The following RNLS variants were observed in gnomAD, a reference collection of about 807,000 sequenced individuals.
RNLS encodes renalase, FAD dependent amine oxidase.
RNLS carries 39 observed loss-of-function variants against 39.8 expected under a neutral mutation model. That is an observed-to-expected ratio of 0.98 (90% CI 0.76 to 1.28). The LOEUF (loss-of-function observed/expected upper bound fraction) is 1.28, where lower values mean the gene tolerates loss of function less well. Ranked by LOEUF, RNLS falls within the 50% of genes most tolerant of loss-of-function variation. The pLI is 0.00. For missense variants in RNLS, 410 were observed against 413.3 expected (o/e 0.99, Z 0.07); for synonymous variants, 147 against 150.7 (o/e 0.98, Z 0.18).
the RNLS span, among the ~76,000 whole-genome samples, chr10:88,220,264 C>T: frequency 2.9e-3 from 445 of 152,272 alleles, 9 homozygotes; most frequent in East Asian, 0.023. Context: ...TTGAAATCTG[C>T]TTTCCTTTGC....
In RNLS at chr10:88,285,254, C is replaced by T; in HGVS notation, c.*100G>A. 1 of 1,407,772 alleles carries T rather than the reference C, an allele frequency of 7.1e-7. No individual in the cohort carries two copies. Among genetic ancestry groups the T allele is most frequent in the Non-Finnish European group, 9.3e-7 (1 of 1,076,446 alleles). 87.2% of individuals were successfully genotyped at this position (1,407,772 alleles called of 1,614,324 possible). ...ATGATAATAAGTGAAGAACAATTTT[C>T]CAGTAATTTTTCTTAGCAAAATAGA... On this transcript the variant is annotated 3_prime_UTR_variant, in exon 7 of 7. Transcript: ENST00000331772.
intron 4 of RNLS, among the ~76,000 whole-genome samples, chr10:88,405,000 G>T (rs962537257): frequency 6.6e-6 from 1 of 151,996 alleles, no homozygotes; most frequent in Non-Finnish European, 1.5e-5. Flanking sequence ...TAGTATCTGG[G>T]CTTATATTAC....
the RNLS span, among the ~76,000 whole-genome samples, chr10:88,242,452 A>G: frequency 1.3e-5 from 2 of 152,240 alleles, no homozygotes; most frequent in African/African-American, 4.8e-5. Flanking sequence ...GTAGAAGGGA[A>G]GATAAAATTT....
chr10:88,522,261 A>G (rs775382451), intron 4 of RNLS, among the ~76,000 whole-genome samples: 3 of 152,248 alleles, frequency 2.0e-5, no homozygotes, highest in Admixed American at 2.0e-4. Context: ...TGTTGAAGAA[A>G]TAAATGACTG....
chr10:88,251,506 G>A, the RNLS span, among the ~76,000 whole-genome samples: 3,145 of 152,244 alleles, frequency 0.021, 48 homozygotes, highest in Non-Finnish European at 0.032. Flanking sequence ...AATCTCTATG[G>A]CCCCACAGCT....
chr10:88,348,945 T>C (rs1018471293), intron 5 of RNLS, among the ~76,000 whole-genome samples: 5 of 152,130 alleles, frequency 3.3e-5, no homozygotes, highest in Non-Finnish European at 5.9e-5. Flanking sequence ...TGAGAACTCT[T>C]ACTTGACTGC....
chr10:88,181,122 G>T, the RNLS span, among the ~76,000 whole-genome samples: 1 of 152,184 alleles, frequency 6.6e-6, no homozygotes, highest in African/African-American at 2.4e-5. Flanking sequence ...TGGGTTATCA[G>T]ATGGGCCCAG....
At chr10:88,579,899 T>C (rs1294424434) in intron 3 of RNLS, among the ~76,000 whole-genome samples, 5 of 152,208 alleles carry the variant, frequency 3.3e-5, no homozygotes, top group African/African-American at 7.2e-5. Context: ...CCCTCCCTAA[T>C]GTGGGTAGGC....
At chr10:88,343,084 A>C (rs530577734) in intron 5 of RNLS, among the ~76,000 whole-genome samples, 1 of 152,258 alleles carries the variant, frequency 6.6e-6, no homozygotes, top group East Asian at 1.9e-4. Flanking sequence ...AGCCATGTTA[A>C]GGATGTGAGA....
chr10:88,269,780 C>T (rs147139368), downstream of RNLS, among the ~76,000 whole-genome samples: 211 of 152,298 alleles, frequency 1.4e-3, no homozygotes, highest in African/African-American at 5.0e-3. Context: ...GATTTATGTA[C>T]ACAACAATAG....
chr10:88,341,888 T>G (rs1163979852), intron 5 of RNLS, among the ~76,000 whole-genome samples: 3 of 152,146 alleles, frequency 2.0e-5, no homozygotes, highest in Non-Finnish European at 2.9e-5. Context: ...TCCTTAATAT[T>G]AGGAAATATA....
chr10:88,430,378 C>T (rs1243531599), intron 4 of RNLS, among the ~76,000 whole-genome samples: 1 of 151,860 alleles, frequency 6.6e-6, no homozygotes, highest in Non-Finnish European at 1.5e-5. Flanking sequence ...ACTTATTCTA[C>T]TAGCTGCTTT....
chr10:88,186,166 C>T, the RNLS span, among the ~76,000 whole-genome samples: 1 of 152,052 alleles, frequency 6.6e-6, no homozygotes, highest in Non-Finnish European at 1.5e-5. Flanking sequence ...GAAACAAACC[C>T]AATGCTTTTT....
chr10:88,208,518 A>G, the RNLS span, among the ~76,000 whole-genome samples: 2 of 152,174 alleles, frequency 1.3e-5, no homozygotes, highest in Non-Finnish European at 2.9e-5. Flanking sequence ...ATTGGCATAA[A>G]ATACCAATGG....
chr10:88,338,758 C>CTTTTTTT (rs36061512), intron 5 of RNLS, among the ~76,000 whole-genome samples: 6 of 112,496 alleles, frequency 5.3e-5, no homozygotes, highest in Non-Finnish European at 9.1e-5. Flanking sequence ...GCTAGATTTC[C>CTTTTTTT]TTTTTTTTTT....
chr10:88,527,865 GA>G (rs1042300289), intron 4 of RNLS, among the ~76,000 whole-genome samples: 6 of 151,128 alleles, frequency 4.0e-5, no homozygotes, highest in African/African-American at 1.2e-4. Flanking sequence ...TAAAATCTGG[GA>G]AAAAAGTTTG....
chr10:88,271,121 AG>A (rs1759281964), downstream of RNLS, among the ~76,000 whole-genome samples: 1 of 152,196 alleles, frequency 6.6e-6, no homozygotes, highest in Non-Finnish European at 1.5e-5. Flanking sequence ...CCTTTGATAC[AG>A]GGCATTTCTA....
intron 4 of RNLS, among the ~76,000 whole-genome samples, chr10:88,474,755 C>T (rs1303930351): frequency 6.6e-6 from 1 of 151,894 alleles, no homozygotes; most frequent in Non-Finnish European, 1.5e-5. Context: ...AGGTGTAATA[C>T]CTGACTCAGA....
the RNLS span, among the ~76,000 whole-genome samples, chr10:88,256,083 T>C: frequency 6.6e-5 from 10 of 152,320 alleles, no homozygotes; most frequent in African/African-American, 1.9e-4. Flanking sequence ...GGAATATTTT[T>C]AAATTCCAGG....
Sources: allele counts gnomAD v4.1 joint callset (sites outside exome capture counted in the v4.1 genomes callset), GRCh38; gene constraint gnomAD v4.1.1; transcripts MANE v1.5; gene names NCBI Gene and HGNC (gene_info 2026-07-23, HGNC 2026-07-21).